LTBP1: variants seen among roughly 807,000 people sequenced by gnomAD.
LTBP1 encodes the protein latent transforming growth factor beta binding protein 1.
Under a neutral mutation model 207.6 loss-of-function variants are expected in LTBP1, and 129 were observed. The observed-to-expected ratio is 0.62, with a 90% CI of 0.54 to 0.72. LTBP1 has a LOEUF of 0.72. Among genes scored for constraint, LTBP1 ranks in the 30% least tolerant of loss-of-function variants. The pLI is 0.00. For synonymous variants in LTBP1, 963 were observed against 833.7 expected, an observed-to-expected ratio of 1.16 and a Z score of -2.67; for missense variants, 2,281 against 2,217.2, an observed-to-expected ratio of 1.03 and a Z score of -0.58.
intron 5 of LTBP1, among the ~76,000 whole-genome samples, chr2:33,171,936 A>C (rs1432088251): frequency 2.6e-5 from 4 of 152,170 alleles, no homozygotes; most frequent in East Asian, 3.9e-4. Flanking sequence ...GAAATAAAAT[A>C]CTTTACAGAC....
At chr2:33,145,987 G>A (rs994441177) in intron 5 of LTBP1, among the ~76,000 whole-genome samples, 1 of 152,114 alleles carries the variant, frequency 6.6e-6, no homozygotes, top group Non-Finnish European at 1.5e-5. Context: ...GGACCATTTT[G>A]TGCCAGAAGA....
intron 11 of LTBP1, among the ~76,000 whole-genome samples, chr2:33,254,782 G>A (rs1474613080): frequency 1.3e-4 from 8 of 62,306 alleles, no homozygotes; most frequent in South Asian, 1.2e-3. Flanking sequence ...AGAGTGTGAT[G>A]TTCCCCTTCC....
chr2:33,370,655 G>T (rs114390250), intron 31 of LTBP1, among the ~76,000 whole-genome samples: 2,005 of 152,262 alleles, frequency 0.013, 47 homozygotes, highest in African/African-American at 0.045. Flanking sequence ...TTCTGCCATT[G>T]AACCTTTTAA....
intron 4 of LTBP1, among the ~76,000 whole-genome samples, chr2:33,125,615 G>A (rs1203868574): frequency 6.6e-6 from 1 of 151,942 alleles, no homozygotes; most frequent in Non-Finnish European, 1.5e-5. Flanking sequence ...GGTGGATCAC[G>A]AGGTCAGGAC....
intron 31 of LTBP1, among the ~76,000 whole-genome samples, chr2:33,370,945 C>T (rs1051427023): frequency 1.3e-5 from 2 of 152,190 alleles, no homozygotes; most frequent in Admixed American, 6.5e-5. Context: ...CAACAGGTCA[C>T]GGGCACTAAT....
chr2:32,975,291 C>T (rs894249999), intron 2 of LTBP1, among the ~76,000 whole-genome samples: 26 of 152,204 alleles, frequency 1.7e-4, no homozygotes, highest in African/African-American at 6.0e-4. Flanking sequence ...TGCCCCTTCT[C>T]TCTGGCTGTC....
intron 23 of LTBP1, among the ~76,000 whole-genome samples, chr2:33,313,957 G>A (rs1231628762): frequency 3.3e-5 from 5 of 152,210 alleles, no homozygotes; most frequent in South Asian, 2.1e-4. Flanking sequence ...TGTCATCTTG[G>A]GCACTGTTAG....
intron 19 of LTBP1, among the ~76,000 whole-genome samples, 157 bp downstream of exon 19, chr2:33,280,315 A>C (rs575387423): frequency 2.0e-5 from 3 of 152,356 alleles, no homozygotes; most frequent in Admixed American, 6.5e-5. Flanking sequence ...ACCATTGAGA[A>C]AATAAGAAAA....
At chr2:33,284,842 G>T (rs1177807601) in intron 19 of LTBP1, among the ~76,000 whole-genome samples, 1 of 152,088 alleles carries the variant, frequency 6.6e-6, no homozygotes, top group African/African-American at 2.4e-5. Flanking sequence ...TGAAATACTT[G>T]CTGTTTAAGC....
chr2:33,100,597 G>T (rs933173873), intron 3 of LTBP1, among the ~76,000 whole-genome samples: 4 of 151,970 alleles, frequency 2.6e-5, no homozygotes, highest in African/African-American at 9.7e-5. Flanking sequence ...ACAGTTCATG[G>T]AAGTACATGC....
At chr2:33,068,589 A>G (rs961494268) in intron 3 of LTBP1, among the ~76,000 whole-genome samples, 1 of 152,100 alleles carries the variant, frequency 6.6e-6, no homozygotes, top group Admixed American at 6.6e-5. Context: ...TCTATGCTCC[A>G]CCTATTCATT....
At position 33,243,713 on chromosome 2, in the gene LTBP1, A is replaced by G; in HGVS notation, c.1928A>G (p.Asn643Ser). The G allele has an allele frequency of 1.2e-6, 2 of 1,613,920 alleles. No individual in the cohort carries two copies. Among genetic ancestry groups the G allele is most frequent in the South Asian group, 1.1e-5 (1 of 91,078 alleles). The stretch of plus-strand genomic sequence containing the variant: ...GTATGCCCTAATGGTGAGTGTTTGA[A>G]TACCATGGGCAGCTATCGATGTACC... ...QGVCPNGECL[N>S]TMGSYRCTCK... Residue 643 changes from asparagine to serine, a missense_variant, in exon 10 of 34, where the codon AAT becomes AGT. Around this residue, in one of 3 missense-constraint regions of LTBP1, gnomAD observed 1,671 missense variants for 1,634.8 expected, o/e 1.02. Transcript: ENST00000404816.
chr2:33,306,091 C>T (rs1431169841), intron 22 of LTBP1, among the ~76,000 whole-genome samples: 1 of 152,178 alleles, frequency 6.6e-6, no homozygotes, highest in Non-Finnish European at 1.5e-5. Context: ...GTTCAACCTT[C>T]TTATTGCTTT....
Position 33,269,898 on chromosome 2 carries a change from A to G in LTBP1, c.2618-3758A>G, listed in dbSNP as rs115982569. 7.2e-3 allele frequency among the ~76,000 whole-genome samples: 1,093 copies of G among 151,954 alleles called. 9 individuals carry two copies. The highest frequency in any genetic ancestry group is 0.023 in the African/African-American group (966 of 41,442). On this transcript the variant is annotated intron_variant, in intron 15 of 33. Transcript: ENST00000404816. ...GGAGAGAAAACACAGGGGAGATATG[A>G]GGGAGACATGTTTTATATGTTTTAA...
At position 33,134,732 on chromosome 2, in the gene LTBP1, A is replaced by C; in HGVS notation, c.1034-61A>C. On this transcript the variant is annotated intron_variant, in intron 4 of 33. Coordinates refer to ENST00000404816, the MANE Select transcript of LTBP1 (RefSeq NM_206943.4). The surrounding 1 kb of genome is among the most constrained non-coding windows in gnomAD (Gnocchi z 4.4). ...TCTGTTTTTTTAAACCTTCCAAGGC[A>C]AGTTCATGGATACTAAGCTGATGTG... is the stretch of plus-strand genomic sequence containing the variant. The C allele has an allele frequency of 6.2e-7, 1 of 1,613,098 alleles. No individual in the cohort carries two copies. Among genetic ancestry groups the C allele is most frequent in the Non-Finnish European group, 8.5e-7 (1 of 1,179,800 alleles).
chr2:33,126,076 ATGAG>A (rs1343168851), intron 4 of LTBP1, among the ~76,000 whole-genome samples: 4 of 152,050 alleles, frequency 2.6e-5, no homozygotes, highest in African/African-American at 9.7e-5. Context: ...TCTTTGCCCC[ATGAG>A]TGAGTGTCTC....
chr2:33,098,409 A>T (rs543196768), intron 3 of LTBP1, among the ~76,000 whole-genome samples: 1 of 152,094 alleles, frequency 6.6e-6, no homozygotes, highest in African/African-American at 2.4e-5. Flanking sequence ...TTATTTAACT[A>T]TTAACTTTAT....
At chr2:32,965,311 T>C (rs1312266066) in intron 2 of LTBP1, among the ~76,000 whole-genome samples, 1 of 152,200 alleles carries the variant, frequency 6.6e-6, no homozygotes, top group African/African-American at 2.4e-5. Context: ...CCCTGTCCTG[T>C]TACAATCGAT....
At chr2:32,992,261 A>G (rs1298676835) in intron 2 of LTBP1, among the ~76,000 whole-genome samples, 2 of 152,188 alleles carry the variant, frequency 1.3e-5, no homozygotes, top group African/African-American at 2.4e-5. Context: ...AGAGAAACCC[A>G]ATGCCATTGG....
Sources: allele counts gnomAD v4.1 joint callset (sites outside exome capture counted in the v4.1 genomes callset), GRCh38; gene constraint gnomAD v4.1.1; regional missense constraint gnomAD v4.1.1; non-coding constraint Gnocchi (gnomAD v3.1); transcripts MANE v1.5; gene names NCBI Gene and HGNC (gene_info 2026-07-23, HGNC 2026-07-21).